The following TRIO variants were observed in gnomAD, a reference collection of about 807,000 sequenced individuals.
TRIO encodes the protein triple functional domain protein.
In TRIO, 58 loss-of-function variants were observed where a neutral mutation model predicts 351.9. The observed-to-expected ratio is 0.16, with a 90% CI of 0.13 to 0.21. The LOEUF (loss-of-function observed/expected upper bound fraction) is 0.21. Ranked by LOEUF, TRIO falls within the 10% of genes least tolerant of loss-of-function variation. The probability of loss-of-function intolerance (pLI) is 1.00; values close to 1 mark genes in which losing one functional copy is unlikely to be tolerated. For synonymous variants in TRIO, 1,758 were observed against 1,595.7 expected (o/e 1.10, Z -2.42); for missense variants, 3,201 against 4,027.8 (o/e 0.79, Z 5.56).
chr5:14,197,300 G>T (rs1581328269), intron 1 of TRIO, among the ~76,000 whole-genome samples: 1 of 57,556 alleles, frequency 1.7e-5, no homozygotes, highest in East Asian at 7.6e-3. Flanking sequence ...GTGTATCGAG[G>T]TGCTTCCTGT....
intron 34 of TRIO, among the ~76,000 whole-genome samples, chr5:14,453,296 A>G (rs1752983566): frequency 6.6e-6 from 1 of 152,178 alleles, no homozygotes; most frequent in South Asian, 2.1e-4. Context: ...CTTGTGCTCA[A>G]GTTTACTTTG....
chr5:14,450,451 T>A (rs994246790), intron 34 of TRIO, among the ~76,000 whole-genome samples: 1 of 152,098 alleles, frequency 6.6e-6, no homozygotes, highest in African/African-American at 2.4e-5. Flanking sequence ...GTGTTGGCCC[T>A]TCTCAGGCGG....
At chr5:14,195,659 C>T (rs1381871492) in intron 1 of TRIO, among the ~76,000 whole-genome samples, 1 of 152,208 alleles carries the variant, frequency 6.6e-6, no homozygotes, top group Non-Finnish European at 1.5e-5. Context: ...GCTTATTCCA[C>T]TTTTGTAGTT....
chr5:14,298,341 T>A (rs1260028502), intron 7 of TRIO, among the ~76,000 whole-genome samples: 1 of 152,122 alleles, frequency 6.6e-6, no homozygotes, highest in Non-Finnish European at 1.5e-5. Context: ...AGCAGCACAG[T>A]GAGTACCTTT....
At chr5:14,280,154 C>T (rs1355101685) in intron 2 of TRIO, among the ~76,000 whole-genome samples, 168 bp from the exon 3 acceptor site, 4 of 152,258 alleles carry the variant, frequency 2.6e-5, no homozygotes, top group Non-Finnish European at 4.4e-5. Context: ...TCCCAGATCC[C>T]CTGAAGGGAT....
chr5:14,499,951 T>G lies in TRIO; in HGVS notation c.8332+1311T>G, dbSNP rs1009549898. ...CTGTAGTCCCAGCTACTCTTGAGGC[T>G]GAGGCAGGAGAATCACTTGAACCCA... On this transcript the variant is annotated intron_variant, in intron 53 of 56. Transcript: ENST00000344204. Among the ~76,000 whole-genome samples, 11 of 150,058 alleles carry G rather than the reference T, an allele frequency of 7.3e-5. No homozygotes were observed. The East Asian group carries it at 2.2e-3, about 29-fold the overall frequency.
chr5:14,295,127 C>A (rs1190547830), intron 6 of TRIO, among the ~76,000 whole-genome samples: 2 of 152,124 alleles, frequency 1.3e-5, no homozygotes, highest in Non-Finnish European at 2.9e-5. Flanking sequence ...TAATGCAGGG[C>A]AAGGGTATTT....
chr5:14,337,928 G>A (rs983703868), intron 11 of TRIO, among the ~76,000 whole-genome samples: 4 of 152,170 alleles, frequency 2.6e-5, no homozygotes, highest in East Asian at 1.9e-4. Flanking sequence ...TCTTGGTCCC[G>A]AGATGGTCAT....
rs1239893693 is a variant in TRIO, at chr5:14,290,756, A to G, written c.581A>G (p.Asp194Gly). ...TTAGAAGGCCTTACCAAAGTAGTTG[A>G]TCCTTCTCAGCTAACTCCTGAGTTT... ...VSLEGLTKVV[D>G]PSQLTPEFDG... Residue 194 changes from aspartate to glycine, a missense_variant, in exon 5 of 57, where the codon GAT becomes GGT. By Grantham distance (94) the Asp-to-Gly change is moderately conservative (BLOSUM62 -1). Transcript: ENST00000344204. The G allele has an allele frequency of 6.2e-7, 1 of 1,613,922 alleles. No homozygotes were observed. Among genetic ancestry groups the G allele is most frequent in the Non-Finnish European group, 8.5e-7 (1 of 1,179,992 alleles).
chr5:14,153,691 C>CT lies in TRIO; in HGVS notation c.157+9810dup, dbSNP rs1340835952. ...AGCGACCTGCTTGCCCCATTTGACTCTGTTTGTGAGGGCCTGAATTGGAAT... is the reference window on the plus strand; with the variant it reads ...AGCGACCTGCTTGCCCCATTTGACTCTTGTTTGTGAGGGCCTGAATTGGAAT... On this transcript the variant is annotated intron_variant, in intron 1 of 56. Coordinates refer to ENST00000344204, the MANE Select transcript of TRIO (RefSeq NM_007118.4). 3.9e-5 allele frequency among the ~76,000 whole-genome samples: 6 copies of CT among 152,262 alleles called. No individual in the cohort carries two copies. In the East Asian group the frequency reaches 9.7e-4, roughly 25 times the overall value.
At chr5:14,456,034 G>A (rs1040046670) in intron 34 of TRIO, among the ~76,000 whole-genome samples, 2 of 152,384 alleles carry the variant, frequency 1.3e-5, no homozygotes, top group East Asian at 1.9e-4. Flanking sequence ...GAGGCCTGGC[G>A]AGAATTCAAG....
intron 34 of TRIO, among the ~76,000 whole-genome samples, chr5:14,460,398 C>G (rs1753690330): frequency 6.6e-6 from 1 of 152,136 alleles, no homozygotes; most frequent in Admixed American, 6.5e-5. Flanking sequence ...CTGCCACTTT[C>G]CAGTCGCCGG....
chr5:14,332,124 T>G (rs1740958968), intron 10 of TRIO, among the ~76,000 whole-genome samples: 1 of 152,166 alleles, frequency 6.6e-6, no homozygotes, highest in Admixed American at 6.5e-5. Context: ...ATAGCATCCT[T>G]CCTAAGTACC....
intron 37 of TRIO, among the ~76,000 whole-genome samples, chr5:14,469,034 A>AT (rs1230964512): frequency 1.3e-5 from 2 of 152,218 alleles, no homozygotes; most frequent in African/African-American, 4.8e-5. Flanking sequence ...CGCCACAGTG[A>AT]TTGTGTGAAC....
chr5:14,509,367 G>A lies in TRIO; in HGVS notation c.*945G>A. 1 of 421,048 alleles carries A rather than the reference G, an allele frequency of 2.4e-6. No homozygotes were observed. Among genetic ancestry groups the A allele is most frequent in the South Asian group, 1.6e-5 (1 of 61,386 alleles). 26.1% of individuals were successfully genotyped at this position (421,048 alleles called of 1,614,324 possible). On this transcript the variant is annotated 3_prime_UTR_variant, in exon 57 of 57. Coordinates refer to ENST00000344204, the MANE Select transcript of TRIO (RefSeq NM_007118.4). ...AAAAAGCACATACTTCGTATGGTGA[G>A]CTTTATGGTTTTGTGTGTGTGTTGG...
chr5:14,203,395 G>A (rs1300050130), intron 1 of TRIO, among the ~76,000 whole-genome samples: 3 of 152,150 alleles, frequency 2.0e-5, no homozygotes, highest in Non-Finnish European at 4.4e-5. Context: ...GACTACAAAA[G>A]CCTTACAAAA....
chr5:14,272,822 GAA>G (rs971327025), intron 2 of TRIO, among the ~76,000 whole-genome samples: 1 of 152,120 alleles, frequency 6.6e-6, no homozygotes, highest in African/African-American at 2.4e-5. Context: ...CTTTAGGAGG[GAA>G]AAAAACCATA....
At chr5:14,205,443 T>C (rs1791396162) in intron 1 of TRIO, among the ~76,000 whole-genome samples, 2 of 152,228 alleles carry the variant, frequency 1.3e-5, no homozygotes, top group African/African-American at 4.8e-5. Context: ...GTCAATACAC[T>C]GTTCATTACG....
At chr5:14,232,741 T>C (rs1014840098) in intron 1 of TRIO, among the ~76,000 whole-genome samples, 1 of 152,214 alleles carries the variant, frequency 6.6e-6, no homozygotes, top group Non-Finnish European at 1.5e-5. Context: ...TAGAAAAGAA[T>C]TGAGTATATC....
Sources: allele counts gnomAD v4.1 joint callset (sites outside exome capture counted in the v4.1 genomes callset), GRCh38; gene constraint gnomAD v4.1.1; transcripts MANE v1.5; gene names NCBI Gene and HGNC (gene_info 2026-07-23, HGNC 2026-07-21).